ATP8A2: variants seen among roughly 807,000 people sequenced by gnomAD.
The protein encoded by ATP8A2 is phospholipid-transporting ATPase IB.
ATP8A2 carries 100 observed loss-of-function variants against 165.6 expected under a neutral mutation model. That is an observed-to-expected ratio of 0.60 (90% CI 0.51 to 0.71). The LOEUF (loss-of-function observed/expected upper bound fraction) is 0.71, where lower values mean the gene tolerates loss of function less well. ATP8A2 is among the 30% of genes least tolerant of loss of function. The pLI is 0.00. For missense variants in ATP8A2, 1,227 were observed against 1,479.5 expected, an observed-to-expected ratio of 0.83 and a Z score of 2.80; for synonymous variants, 543 against 548.8, an observed-to-expected ratio of 0.99 and a Z score of 0.15.
rs538772241 is a variant in ATP8A2 at position 25,828,489 on chromosome 13, T to C, written c.2754+297T>C. Among the ~76,000 whole-genome samples, 11 of 152,352 alleles carry C rather than the reference T, an allele frequency of 7.2e-5. 1 individual carries two copies. The South Asian group carries it at 2.3e-3, about 32-fold the overall frequency. On this transcript the variant is annotated intron_variant, in intron 28 of 36. Coordinates refer to ENST00000381655, the MANE Select transcript of ATP8A2 (RefSeq NM_016529.6). The stretch of plus-strand genomic sequence containing the variant: ...ACTACATGCCTGTGCAACACTTTCG[T>C]GTTTTTAGCTCAAGTACAAATTTCT...
intron 1 of ATP8A2, among the ~76,000 whole-genome samples, chr13:25,443,203 G>A (rs1216708605): frequency 6.6e-6 from 1 of 152,158 alleles, no homozygotes; most frequent in African/African-American, 2.4e-5. Flanking sequence ...ATTATGTATA[G>A]CAAATGAAAC....
chr13:25,644,838 T>A (rs1243623407), intron 24 of ATP8A2, among the ~76,000 whole-genome samples: 1 of 152,160 alleles, frequency 6.6e-6, no homozygotes, highest in South Asian at 2.1e-4. Flanking sequence ...TTTTGGGGAA[T>A]ATAATTTGTT....
At chr13:25,731,657 T>C (rs1294943421) in intron 25 of ATP8A2, among the ~76,000 whole-genome samples, 2 of 152,222 alleles carry the variant, frequency 1.3e-5, no homozygotes, top group Non-Finnish European at 2.9e-5. Flanking sequence ...TGCCTGTTGA[T>C]GTAATCAAAT....
At chr13:25,568,235 A>C (rs2039371276) in intron 16 of ATP8A2, among the ~76,000 whole-genome samples, 1 of 152,196 alleles carries the variant, frequency 6.6e-6, no homozygotes, top group Admixed American at 6.5e-5. Flanking sequence ...CCCTGCTTAC[A>C]TTGCTAACCA....
At chr13:26,004,607 C>T (rs1378276828) in intron 35 of ATP8A2, among the ~76,000 whole-genome samples, 1 of 152,034 alleles carries the variant, frequency 6.6e-6, no homozygotes, top group Non-Finnish European at 1.5e-5. Flanking sequence ...GAAAAGCTTT[C>T]AACTTCTCAC....
intron 25 of ATP8A2, among the ~76,000 whole-genome samples, chr13:25,760,847 A>G (rs555625348): frequency 6.6e-6 from 1 of 152,344 alleles, no homozygotes; most frequent in South Asian, 2.1e-4. Context: ...CTTTTGGAAT[A>G]TGGAAACATT....
intron 24 of ATP8A2, among the ~76,000 whole-genome samples, chr13:25,693,048 A>G (rs908644411): frequency 5.9e-5 from 9 of 152,190 alleles, no homozygotes; most frequent in Non-Finnish European, 1.0e-4. Flanking sequence ...TGCCCCTTAT[A>G]ACAGCTAAGT....
chr13:25,684,088 T>C (rs2042550629), intron 24 of ATP8A2, among the ~76,000 whole-genome samples: 1 of 152,224 alleles, frequency 6.6e-6, no homozygotes, highest in African/African-American at 2.4e-5. Context: ...TTCTAACGAA[T>C]AAGATATAAT....
At chr13:25,637,128 A>G (rs1331525653) in intron 24 of ATP8A2, among the ~76,000 whole-genome samples, 2 of 151,590 alleles carry the variant, frequency 1.3e-5, no homozygotes, top group African/African-American at 4.8e-5. Flanking sequence ...AAAAGATTAA[A>G]AACAAATGGC....
At chr13:25,517,289 T>G (rs1249576592) in intron 2 of ATP8A2, 2 of 152,170 alleles carry the variant, frequency 1.3e-5, no homozygotes, top group Non-Finnish European at 2.9e-5. Flanking sequence ...TAATGTCACT[T>G]TTAATGATAT....
At chr13:25,520,170 C>G (rs974270155) in intron 2 of ATP8A2, among the ~76,000 whole-genome samples, 1 of 152,306 alleles carries the variant, frequency 6.6e-6, no homozygotes, top group South Asian at 2.1e-4. Context: ...TCATCTCTTC[C>G]TCCGTGCTAC....
chr13:25,654,857 G>T (rs576917245), intron 24 of ATP8A2, among the ~76,000 whole-genome samples: 1 of 152,272 alleles, frequency 6.6e-6, no homozygotes, highest in South Asian at 2.1e-4. Context: ...GTGATCCTGA[G>T]AATTTTCCCA....
chr13:25,514,753 T>C (rs934158337), intron 2 of ATP8A2, among the ~76,000 whole-genome samples: 1 of 152,214 alleles, frequency 6.6e-6, no homozygotes, highest in African/African-American at 2.4e-5. Flanking sequence ...TTGCTTTCTA[T>C]GCTTGCCACA....
intron 33 of ATP8A2, among the ~76,000 whole-genome samples, chr13:25,891,606 G>T (rs946934932): frequency 2.6e-5 from 4 of 152,116 alleles, no homozygotes; most frequent in African/African-American, 9.7e-5. Flanking sequence ...TTACAGGTGC[G>T]AGCCACTGTG....
chr13:25,435,916 T>TGTGGGTGTGTGTGAGTGA (rs2034747763), intron 1 of ATP8A2, among the ~76,000 whole-genome samples: 1 of 51,962 alleles, frequency 1.9e-5, no homozygotes, highest in African/African-American at 5.4e-5. Flanking sequence ...AAGCATCGTG[T>TGTGGGTGTGTGTGAGTGA]GTGTGTGTGT....
intron 13 of ATP8A2, among the ~76,000 whole-genome samples, chr13:25,555,981 G>A (rs1339056529): frequency 6.6e-6 from 1 of 152,086 alleles, no homozygotes; most frequent in Non-Finnish European, 1.5e-5. Context: ...TGTATTCCAT[G>A]GTGTATATGT....
intron 25 of ATP8A2, among the ~76,000 whole-genome samples, chr13:25,766,723 T>A (rs1223118246): frequency 7.9e-5 from 12 of 152,156 alleles, no homozygotes; most frequent in Admixed American, 7.2e-4. Context: ...ATTAAAAAAA[T>A]TTCTGCTGCA....
chr13:25,467,945 CAAGAT>C (rs1025416983), intron 1 of ATP8A2, among the ~76,000 whole-genome samples: 9 of 152,166 alleles, frequency 5.9e-5, no homozygotes, highest in African/African-American at 1.9e-4. Flanking sequence ...TTAAGAAAAA[CAAGAT>C]AAGTCTTCAT....
chr13:25,711,179 A>G (rs2043151051), intron 25 of ATP8A2, among the ~76,000 whole-genome samples: 1 of 151,928 alleles, frequency 6.6e-6, no homozygotes, highest in African/African-American at 2.4e-5. Context: ...TAATTTTTGT[A>G]TTTTTAGTAC....
Sources: gnomAD v4.1 joint callset for allele counts (sites outside exome capture counted in the v4.1 genomes callset) on GRCh38, gnomAD v4.1.1 for gene constraint, MANE v1.5 for transcripts, NCBI Gene and HGNC (gene_info 2026-07-23, HGNC 2026-07-21) for gene names.